Variants in DDX53 observed in about 807,000 individuals in gnomAD.
DDX53 encodes DEAD box protein 53.
For missense variants in DDX53, 481 were observed against 485.1 expected (o/e 0.99, Z 0.08); for synonymous variants, 179 against 170.8 (o/e 1.05, Z -0.37).
In DDX53 at chrX:23,002,486, T is replaced by G. The variant is rs1205860514; in HGVS notation, c.*533T>G. The G allele has an allele frequency of 5.9e-5, 7 of 119,589 alleles. No individual in the cohort carries two copies. The highest frequency in any genetic ancestry group is 2.4e-4 in the African/African-American group (7 of 29,545). The allele number at this position is 119,589 out of a possible 1,213,427, so 9.9% of individuals were successfully genotyped here. On this transcript the variant is annotated 3_prime_UTR_variant, in exon 1 of 1. Transcript: ENST00000327968. ...TCAATATTGTGTATGCTCCTTAATTTTAAAAAAGTCTCAAAAATGAGAGAG... is the reference window on the plus strand; with the variant it reads ...TCAATATTGTGTATGCTCCTTAATTGTAAAAAAGTCTCAAAAATGAGAGAG...
At position 23,000,715 on chromosome X, in the gene DDX53, A is replaced by T. The variant is rs776821976; in HGVS notation, c.658A>T (p.Thr220Ser). 26 of 1,210,244 alleles carry T rather than the reference A, an allele frequency of 2.1e-5. No homozygotes were observed. Among genetic ancestry groups the T allele is most frequent in the Middle Eastern group, 2.3e-4 (1 of 4,375 alleles). Residue 220 changes from threonine to serine, a missense_variant, in exon 1 of 1, where the codon ACT becomes TCT. Coordinates refer to ENST00000327968, the MANE Select transcript of DDX53 (RefSeq NM_182699.4). ...TGAAAAGCGTCTCATTCCAAAACCAACTTGCAGGTTTAAAGACGCTTTTCA... is the reference window on the plus strand; with the variant it reads ...TGAAAAGCGTCTCATTCCAAAACCATCTTGCAGGTTTAAAGACGCTTTTCA... Reference protein sequence around the residue: ...SGEKRLIPKPTCRFKDAFQQY... With the variant: ...SGEKRLIPKPSCRFKDAFQQY...
chrX:23,001,945 T>C lies in DDX53; in HGVS notation c.1888T>C (p.Leu630=). 1 of 1,186,462 alleles carries C rather than the reference T, an allele frequency of 8.4e-7. No homozygotes were observed. Among genetic ancestry groups the C allele is most frequent in the Non-Finnish European group, 1.1e-6 (1 of 884,584 alleles). ...PGQRRKEFYF[L]S ...ACAAAGACGCAAGGAGTTTTATTTT[T>C]TAAGTTGAAAAGTTGTACCAGGCTA... The change falls in exon 1 of 1, where the codon TTA becomes CTA. Residue 630 remains leucine, a synonymous_variant. Coordinates refer to ENST00000327968, the MANE Select transcript of DDX53 (RefSeq NM_182699.4).
In DDX53 at chrX:23,002,284, T is replaced by C. The variant is rs1178212909; in HGVS notation, c.*331T>C. 2.5e-5 allele frequency: 4 copies of C among 161,335 alleles called. No homozygotes were observed. Among genetic ancestry groups the C allele is most frequent in the African/African-American group, 1.2e-4 (4 of 33,242 alleles). 13.3% of individuals were successfully genotyped at this position (161,335 alleles called of 1,213,427 possible). On this transcript the variant is annotated 3_prime_UTR_variant, in exon 1 of 1. Coordinates refer to ENST00000327968, the MANE Select transcript of DDX53 (RefSeq NM_182699.4). The stretch of plus-strand genomic sequence containing the variant: ...GGGGGTTTATCAACTTTCAATATTG[T>C]GTATGTTCCTTAATTTTAGAAAAAG...
chrX:23,001,135 C>T lies in DDX53; in HGVS notation c.1078C>T (p.Gln360Ter), dbSNP rs1933804130. 1 of 1,209,820 alleles carries T rather than the reference C, an allele frequency of 8.3e-7. No homozygotes were observed. Among genetic ancestry groups the T allele is most frequent in the African/African-American group, 1.7e-5 (1 of 57,248 alleles). ...AACTCCTGGGAGGCTGAATGACCTA[C>T]AAATGAATAACTCTGTCAACCTAAG... ...IATPGRLNDL[Q>*]MNNSVNLRSI... Residue 360 changes from glutamine to a stop codon, truncating the protein, a stop_gained, in exon 1 of 1, where the codon CAA (glutamine) becomes TAA (stop). Transcript: ENST00000327968. LOFTEE classifies it low-confidence loss of function (END_TRUNC).
At position 23,001,884 on chromosome X, in the gene DDX53, A is replaced by G. The variant is rs762227181; in HGVS notation, c.1827A>G (p.Gln609=). 8.3e-7 allele frequency: 1 copy of G among 1,208,820 alleles called. No individual in the cohort carries two copies. The highest frequency in any genetic ancestry group is 1.1e-6 in the Non-Finnish European group (1 of 894,639). The change falls in exon 1 of 1, where the codon CAA becomes CAG. Residue 609 remains glutamine, a synonymous_variant. Transcript: ENST00000327968. The part of the protein sequence containing the change: ...VMAEQYKLNQ[Q]KRHRETRSRK... Reference sequence around the variant, plus strand: ...CTGAGCAATACAAGTTAAATCAACAAAAGAGGCACAGAGAAACACGATCAA... The same window carrying G: ...CTGAGCAATACAAGTTAAATCAACAGAAGAGGCACAGAGAAACACGATCAA...
At position 23,000,421 on chromosome X, in the gene DDX53, G is replaced by C. The variant is rs1569253298; in HGVS notation, c.364G>C (p.Glu122Gln). 1 of 1,211,251 alleles carries C rather than the reference G, an allele frequency of 8.3e-7. No individual in the cohort carries two copies. Among genetic ancestry groups the C allele is most frequent in the Non-Finnish European group, 1.1e-6 (1 of 895,384 alleles). ...LIRKQESYNS[E>Q]SSVDNAASQT... ...TAGAAAACAAGAAAGCTACAACTCA[G>C]AATCCAGTGTGGATAATGCTGCATC... The change falls in exon 1 of 1, where the codon GAA (glutamate) becomes CAA (glutamine). Residue 122 changes from glutamate (E) to glutamine (Q), a missense_variant. Coordinates refer to ENST00000327968, the MANE Select transcript of DDX53 (RefSeq NM_182699.4).
rs1569253510 is a variant in DDX53, at chrX:23,000,802, C to A, written c.745C>A (p.Gln249Lys). ...RVGIVKPTPI[Q>K]SQAWPIILQG... ...AGGGATTGTAAAGCCAACGCCAATT[C>A]AGTCACAGGCATGGCCAATTATTCT... The change falls in exon 1 of 1, where the codon CAG becomes AAG. Residue 249 changes from glutamine to lysine, a missense_variant. Coordinates refer to ENST00000327968, the MANE Select transcript of DDX53 (RefSeq NM_182699.4). 3 of 1,211,917 alleles carry A rather than the reference C, an allele frequency of 2.5e-6. No individual in the cohort carries two copies. The highest frequency in any genetic ancestry group is 2.2e-6 in the Non-Finnish European group (2 of 895,527).
rs143131443 is a variant in DDX53 at position 23,000,547 on chromosome X, G to A, written c.490G>A (p.Glu164Lys). 1,493 of 1,209,165 alleles carry A rather than the reference G, an allele frequency of 1.2e-3. 2 individuals are homozygous for A. The highest frequency in any genetic ancestry group is 1.5e-3 in the Non-Finnish European group (1,367 of 894,994). The change falls in exon 1 of 1, where the codon GAA becomes AAA. Residue 164 changes from glutamate (E) to lysine (K), a missense_variant. By Grantham distance (56) the Glu-to-Lys change is moderately conservative. Transcript: ENST00000327968. ...CATTAGGGCAGCAGTCGTGGAGTGC[G>A]AAAAGAGAAAATGGGCAGATCTACC... ...DRIRAAVVECEKRKWADLPPV... is the reference protein window; with the variant it reads ...DRIRAAVVECKKRKWADLPPV...
At position 23,000,274 on chromosome X, in the gene DDX53, G is replaced by C. The variant is rs181028449; in HGVS notation, c.217G>C (p.Asp73His). ...TGGTTACAGTGGATCAAAAATAAAA[G>C]ATCTACAACATTCGACAAACACTAA... ...VIGYSGSKIK[D>H]LQHSTNTKIQ... Residue 73 changes from aspartate (D) to histidine (H), a missense_variant, in exon 1 of 1, where the codon GAT (aspartate) becomes CAT (histidine). Transcript: ENST00000327968. 1.2e-4 allele frequency: 145 copies of C among 1,187,495 alleles called. 2 individuals carry two copies. The East Asian group carries it at 3.4e-3, about 28-fold the overall frequency.
rs1162573504 is a variant in DDX53, at chrX:23,003,483, TTATAACTAAAACTG to T, written c.*1535_*1548del. The T allele has an allele frequency of 4.0e-5, 5 of 123,561 alleles. No individual in the cohort carries two copies. Among genetic ancestry groups the T allele is most frequent in the African/African-American group, 1.6e-4 (5 of 30,884 alleles). 10.2% of individuals were successfully genotyped at this position (123,561 alleles called of 1,213,427 possible). Reference sequence around the variant, plus strand: ...CTTTTACCTCTAAAATTCGGTGACATTATAACTAAAACTGTATACCCCAGCCTTGTATTAACACT... The same window carrying T: ...CTTTTACCTCTAAAATTCGGTGACATTATACCCCAGCCTTGTATTAACACT... On this transcript the variant is annotated 3_prime_UTR_variant, in exon 1 of 1. Transcript: ENST00000327968.
Position 23,001,203 on chromosome X carries a change from G to C in DDX53, c.1146G>C (p.Leu382=), listed in dbSNP as rs772618873. ...YLVIDEADKM[L]DMEFEPQIRK... is the part of the protein sequence containing the mutation. ...TTATAGATGAGGCAGATAAAATGCT[G>C]GATATGGAATTTGAACCCCAGATAA... is the stretch of plus-strand genomic sequence containing the variant. Residue 382 remains leucine, a synonymous_variant, in exon 1 of 1, where the codon CTG becomes CTC. Coordinates refer to ENST00000327968, the MANE Select transcript of DDX53 (RefSeq NM_182699.4). The C allele has an allele frequency of 1.7e-6, 2 of 1,211,287 alleles. No homozygotes were observed. Among genetic ancestry groups the C allele is most frequent in the African/African-American group, 3.5e-5 (2 of 57,745 alleles).
Position 23,003,081 on chromosome X carries a change from A to C in DDX53, c.*1128A>C, listed in dbSNP as rs1422826489. The C allele has an allele frequency of 1.6e-5, 2 of 123,783 alleles. No homozygotes were observed. Among genetic ancestry groups the C allele is most frequent in the African/African-American group, 3.2e-5 (1 of 30,941 alleles). The allele number at this position is 123,783 out of a possible 1,213,427, so 10.2% of individuals were successfully genotyped here. A position where few individuals can be genotyped will look rare whatever the true frequency, so the allele number is the denominator to read the frequency against. ...TGTCTTCTCTAAAACACTTGGTAGAAGACAACAATGGTGCTTTTCTGGCTT... is the reference window on the plus strand; with the variant it reads ...TGTCTTCTCTAAAACACTTGGTAGACGACAACAATGGTGCTTTTCTGGCTT... On this transcript the variant is annotated 3_prime_UTR_variant, in exon 1 of 1. Transcript: ENST00000327968.
Position 23,000,766 on chromosome X carries a change from A to C in DDX53, c.709A>C (p.Ile237Leu), listed in dbSNP as rs1363598016. The C allele has an allele frequency of 5.0e-6, 6 of 1,212,115 alleles. No homozygotes were observed. The South Asian group carries it at 8.8e-5, about 18-fold the overall frequency. The change falls in exon 1 of 1, where the codon ATA becomes CTA. Residue 237 changes from isoleucine (I) to leucine (L), a missense_variant. By Grantham distance (5) the Ile-to-Leu change is conservative (BLOSUM62 2). Transcript: ENST00000327968. ...FQQYPDLLKSIIRVGIVKPTP... is the reference protein window; with the variant it reads ...FQQYPDLLKSLIRVGIVKPTP... ...GCAATACCCTGATCTTCTGAAAAGCATAATAAGGGTAGGGATTGTAAAGCC... is the reference window on the plus strand; with the variant it reads ...GCAATACCCTGATCTTCTGAAAAGCCTAATAAGGGTAGGGATTGTAAAGCC...
At position 23,000,424 on chromosome X, in the gene DDX53, T is replaced by G; in HGVS notation, c.367T>G (p.Ser123Ala). The change falls in exon 1 of 1, where the codon TCC (serine) becomes GCC (alanine). Residue 123 changes from serine to alanine, a missense_variant. Coordinates refer to ENST00000327968, the MANE Select transcript of DDX53 (RefSeq NM_182699.4). ...IRKQESYNSE[S>A]SVDNAASQTP... Reference sequence around the variant, plus strand: ...AAAACAAGAAAGCTACAACTCAGAATCCAGTGTGGATAATGCTGCATCCCA... The same window carrying G: ...AAAACAAGAAAGCTACAACTCAGAAGCCAGTGTGGATAATGCTGCATCCCA... 8.3e-7 allele frequency: 1 copy of G among 1,211,232 alleles called. No homozygotes were observed. The highest frequency in any genetic ancestry group is 1.1e-6 in the Non-Finnish European group (1 of 895,373).
chrX:23,001,635 A>C lies in DDX53; in HGVS notation c.1578A>C (p.Ile526=), dbSNP rs376454311. 13 of 1,209,617 alleles carry C rather than the reference A, an allele frequency of 1.1e-5. No homozygotes were observed. The highest frequency in any genetic ancestry group is 2.2e-5 in the Admixed American group (1 of 45,714). ...GNIKILITTD[I]VSRGLDLNDV... is the part of the protein sequence containing the mutation. ...TAAAGATACTGATTACAACTGATAT[A>C]GTATCCCGAGGTCTTGATCTTAATG... Residue 526 remains isoleucine (I), a synonymous_variant, in exon 1 of 1, where the codon ATA becomes ATC. Coordinates refer to ENST00000327968, the MANE Select transcript of DDX53 (RefSeq NM_182699.4).
Position 23,000,350 on chromosome X carries a change from A to G in DDX53, c.293A>G (p.Asn98Ser). The G allele has an allele frequency of 8.3e-7, 1 of 1,208,769 alleles. No individual in the cohort carries two copies. The change falls in exon 1 of 1, where the codon AAT (asparagine) becomes AGT (serine). Residue 98 changes from asparagine to serine, a missense_variant. Physicochemically the swap from Asn to Ser is conservative, Grantham distance 46. Coordinates refer to ENST00000327968, the MANE Select transcript of DDX53 (RefSeq NM_182699.4). ...GAAGCAAAAGTCAGAATTTTTGGCA[A>G]TAGGGAAATGAAAGCAAAGGCCAAA... is the stretch of plus-strand genomic sequence containing the variant. ...ESEAKVRIFG[N>S]REMKAKAKAA... is the part of the protein sequence containing the mutation.
At position 23,002,187 on chromosome X, in the gene DDX53, A is replaced by G. The variant is rs1028653237; in HGVS notation, c.*234A>G. On this transcript the variant is annotated 3_prime_UTR_variant, in exon 1 of 1. Coordinates refer to ENST00000327968, the MANE Select transcript of DDX53 (RefSeq NM_182699.4). ...AATGTTACGTGTTGGTTAAAGTTTA[A>G]TTTCTCTTAAAAATACTTTTATTTT... is the stretch of plus-strand genomic sequence containing the variant. The G allele has an allele frequency of 1.0e-5, 3 of 292,587 alleles. No individual in the cohort carries two copies. The highest frequency in any genetic ancestry group is 1.9e-5 in the Non-Finnish European group (3 of 161,672). 24.1% of individuals were successfully genotyped at this position (292,587 alleles called of 1,213,427 possible).
Position 23,002,010 on chromosome X carries a change from A to G in DDX53, c.*57A>G. Reference sequence around the variant, plus strand: ...GCATGTTAAAGATATGCAGTATTGAATATATGTAAGGAAGTATTGGAAACA... The same window carrying G: ...GCATGTTAAAGATATGCAGTATTGAGTATATGTAAGGAAGTATTGGAAACA... On this transcript the variant is annotated 3_prime_UTR_variant, in exon 1 of 1. Transcript: ENST00000327968. 1 of 967,474 alleles carries G rather than the reference A, an allele frequency of 1.0e-6. No homozygotes were observed. The highest frequency in any genetic ancestry group is 1.4e-6 in the Non-Finnish European group (1 of 715,447). 79.7% of individuals were successfully genotyped at this position (967,474 alleles called of 1,213,427 possible). A position where few individuals can be genotyped will look rare whatever the true frequency, so the allele number is the denominator to read the frequency against.
chrX:23,003,089 A>G lies in DDX53; in HGVS notation c.*1136A>G, dbSNP rs932741376. On this transcript the variant is annotated 3_prime_UTR_variant, in exon 1 of 1. Coordinates refer to ENST00000327968, the MANE Select transcript of DDX53 (RefSeq NM_182699.4). Reference sequence around the variant, plus strand: ...CTAAAACACTTGGTAGAAGACAACAATGGTGCTTTTCTGGCTTTAAAATAG... The same window carrying G: ...CTAAAACACTTGGTAGAAGACAACAGTGGTGCTTTTCTGGCTTTAAAATAG... 5.7e-5 allele frequency: 7 copies of G among 123,748 alleles called. No individual in the cohort carries two copies. The highest frequency in any genetic ancestry group is 1.1e-4 in the Non-Finnish European group (6 of 53,385). The allele number at this position is 123,748 out of a possible 1,213,427, so 10.2% of individuals were successfully genotyped here.
Sources: allele counts gnomAD v4.1 joint callset, GRCh38; gene constraint gnomAD v4.1.1; transcripts MANE v1.5; gene names NCBI Gene and HGNC (gene_info 2026-07-23, HGNC 2026-07-21).